Variants in PRDM6 observed in about 807,000 individuals in gnomAD.
PRDM6 encodes the protein putative histone-lysine N-methyltransferase PRDM6.
In PRDM6, 25 loss-of-function variants were observed where a neutral mutation model predicts 60.8. The ratio of observed to expected loss-of-function variants is 0.41; its 90% CI spans 0.30 to 0.57. The LOEUF (loss-of-function observed/expected upper bound fraction) is 0.57. Among genes scored for constraint, PRDM6 ranks in the 20% least tolerant of loss-of-function variants. The pLI, the probability that PRDM6 is intolerant of heterozygous loss-of-function variation, is 0.27. For synonymous variants in PRDM6, 407 were observed against 357.4 expected (o/e 1.14, Z -1.57); for missense variants, 839 against 821.3 (o/e 1.02, Z -0.26).
At chr5:123,104,299 A>G (rs1466371900) in intron 3 of PRDM6, among the ~76,000 whole-genome samples, 1 of 152,144 alleles carries the variant, frequency 6.6e-6, no homozygotes, top group Middle Eastern at 3.2e-3. Context: ...TTCATATTTT[A>G]AATATATTAT....
chr5:123,170,611 T>C (rs1428613891), intron 5 of PRDM6, among the ~76,000 whole-genome samples, 155 bp from the exon 6 acceptor site: 1 of 152,240 alleles, frequency 6.6e-6, no homozygotes, highest in African/African-American at 2.4e-5. Flanking sequence ...TAATAGTTTT[T>C]TCCCCTCAAA....
chr5:123,166,482 T>A (rs1336085991), intron 5 of PRDM6, among the ~76,000 whole-genome samples: 1 of 152,178 alleles, frequency 6.6e-6, no homozygotes, highest in Non-Finnish European at 1.5e-5. Flanking sequence ...TTTCTGAAAC[T>A]GGCAAGTGTC....
At chr5:123,119,607 G>A (rs186105781) in intron 3 of PRDM6, among the ~76,000 whole-genome samples, 2 of 152,228 alleles carry the variant, frequency 1.3e-5, no homozygotes, top group Non-Finnish European at 2.9e-5. Flanking sequence ...TTAGAGCCCA[G>A]GGTCGGGGAC....
chr5:123,112,594 A>T (rs1424759980), intron 3 of PRDM6, among the ~76,000 whole-genome samples: 2 of 152,082 alleles, frequency 1.3e-5, no homozygotes, highest in African/African-American at 4.8e-5. Context: ...TCCCGCACTG[A>T]TCTGTCTTAA....
intron 6 of PRDM6, among the ~76,000 whole-genome samples, chr5:123,178,559 T>C (rs1237345740): frequency 6.6e-6 from 1 of 152,226 alleles, no homozygotes; most frequent in Non-Finnish European, 1.5e-5. Flanking sequence ...ATTGATAAAC[T>C]CCTTACCAAA....
At chr5:123,094,391 G>C (rs1763911939) in intron 2 of PRDM6, among the ~76,000 whole-genome samples, 1 of 151,574 alleles carries the variant, frequency 6.6e-6, no homozygotes, top group East Asian at 1.9e-4. Flanking sequence ...ACCTGGTCCG[G>C]GTGGGAGGGA....
At chr5:123,111,380 A>C (rs557305818) in intron 3 of PRDM6, among the ~76,000 whole-genome samples, 14 of 152,304 alleles carry the variant, frequency 9.2e-5, no homozygotes, top group Non-Finnish European at 2.1e-4. Flanking sequence ...CAAATGTCCC[A>C]GGCAGTCCTG....
At chr5:123,103,162 C>T (rs1412118755) in intron 3 of PRDM6, among the ~76,000 whole-genome samples, 3 of 151,974 alleles carry the variant, frequency 2.0e-5, no homozygotes, top group Non-Finnish European at 4.4e-5. Flanking sequence ...TACATTTTGA[C>T]TCTTCTGGGT....
At chr5:123,128,966 TC>T (rs1764757125) in intron 3 of PRDM6, among the ~76,000 whole-genome samples, 1 of 152,250 alleles carries the variant, frequency 6.6e-6, no homozygotes, top group African/African-American at 2.4e-5. Flanking sequence ...GGATCCAGTT[TC>T]AGCTTTCTAC....
chr5:123,102,801 A>G (rs1163134902), intron 3 of PRDM6, among the ~76,000 whole-genome samples: 4 of 152,108 alleles, frequency 2.6e-5, no homozygotes, highest in Admixed American at 2.0e-4. Context: ...ATTTCAGTAC[A>G]ATAAATGGAT....
chr5:123,126,601 C>A (rs1292554740), intron 3 of PRDM6, among the ~76,000 whole-genome samples: 1 of 152,106 alleles, frequency 6.6e-6, no homozygotes, highest in Non-Finnish European at 1.5e-5. Flanking sequence ...TTTTAAGATG[C>A]CAGTAGATTC....
intron 3 of PRDM6, among the ~76,000 whole-genome samples, chr5:123,131,289 G>A (rs939438616): frequency 6.6e-6 from 1 of 152,152 alleles, no homozygotes; most frequent in Non-Finnish European, 1.5e-5. Flanking sequence ...CATAGTTAAT[G>A]AGAATTTATT....
chr5:123,172,900 A>G (rs891815744), intron 6 of PRDM6, among the ~76,000 whole-genome samples: 1 of 152,196 alleles, frequency 6.6e-6, no homozygotes, highest in East Asian at 1.9e-4. Context: ...TTAGAAAATC[A>G]TATGTGTGGG....
intron 6 of PRDM6, among the ~76,000 whole-genome samples, chr5:123,176,800 A>G (rs892624849): frequency 3.3e-5 from 5 of 152,240 alleles, no homozygotes; most frequent in African/African-American, 1.2e-4. Flanking sequence ...TCAGCACTCA[A>G]GAATGTCAGT....
intron 3 of PRDM6, among the ~76,000 whole-genome samples, chr5:123,146,658 G>A (rs1292865057): frequency 6.6e-6 from 1 of 152,154 alleles, no homozygotes; most frequent in East Asian, 1.9e-4. Flanking sequence ...GGGATGCTGA[G>A]TAGCTCTTCA....
chr5:123,167,401 T>A (rs1458799794), intron 5 of PRDM6, among the ~76,000 whole-genome samples: 1 of 152,136 alleles, frequency 6.6e-6, no homozygotes, highest in Non-Finnish European at 1.5e-5. Flanking sequence ...ACTTTTTTTT[T>A]TTTTTGAGAC....
chr5:123,173,000 G>C (rs1443808355), intron 6 of PRDM6, among the ~76,000 whole-genome samples: 1 of 152,046 alleles, frequency 6.6e-6, no homozygotes, highest in Non-Finnish European at 1.5e-5. Context: ...GACCATCCTG[G>C]CTAACACGGT....
chr5:123,124,100 T>C (rs1764642725), intron 3 of PRDM6, among the ~76,000 whole-genome samples: 1 of 152,206 alleles, frequency 6.6e-6, no homozygotes. Context: ...CCAGATTGAA[T>C]GGCTGCTCCT....
chr5:123,106,423 G>C (rs548811116), intron 3 of PRDM6, among the ~76,000 whole-genome samples: 1 of 152,300 alleles, frequency 6.6e-6, no homozygotes, highest in South Asian at 2.1e-4. Context: ...CTGAGGCTTG[G>C]TGGTAAAAAA....
Sources: gnomAD v4.1 joint callset for allele counts (sites outside exome capture counted in the v4.1 genomes callset) on GRCh38, gnomAD v4.1.1 for gene constraint, MANE v1.5 for transcripts, NCBI Gene and HGNC (gene_info 2026-07-23, HGNC 2026-07-21) for gene names.